The following DCC variants were observed in gnomAD, a reference collection of about 807,000 sequenced individuals.
The protein encoded by DCC is DCC netrin 1 receptor.
DCC carries 58 observed loss-of-function variants against 172.5 expected under a neutral mutation model. That is an observed-to-expected ratio of 0.34 (90% confidence interval 0.27 to 0.42). The LOEUF (loss-of-function observed/expected upper bound fraction) is 0.42, where lower values mean the gene tolerates loss of function less well. Ranked by LOEUF, DCC falls within the 10% of genes least tolerant of loss-of-function variation. The pLI, the probability that DCC is intolerant of heterozygous loss-of-function variation, is 1.00. For synonymous variants in DCC, 709 were observed against 644.5 expected (o/e 1.10, Z -1.52); for missense variants, 1,740 against 1,791.0 (o/e 0.97, Z 0.51).
intron 1 of DCC, among the ~76,000 whole-genome samples, chr18:52,643,666 C>T (rs1010291823): frequency 1.7e-4 from 26 of 152,178 alleles, no homozygotes; most frequent in Non-Finnish European, 8.8e-5. Context: ...CCATGGCCCA[C>T]ATTCCACACT....
At chr18:53,020,001 A>G (rs1050454772) in intron 5 of DCC, among the ~76,000 whole-genome samples, 2 of 152,184 alleles carry the variant, frequency 1.3e-5, no homozygotes, top group African/African-American at 2.4e-5. Flanking sequence ...CAGGTAAACT[A>G]AAAGTGATCA....
intron 5 of DCC, among the ~76,000 whole-genome samples, chr18:52,997,000 A>G (rs755098212): frequency 1.3e-5 from 2 of 152,122 alleles, no homozygotes; most frequent in Non-Finnish European, 2.9e-5. Flanking sequence ...ACTCCAGAAA[A>G]GGAGCTAATG....
At chr18:52,588,658 A>G (rs1428954399) in intron 1 of DCC, among the ~76,000 whole-genome samples, 1 of 152,206 alleles carries the variant, frequency 6.6e-6, no homozygotes, top group African/African-American at 2.4e-5. Context: ...GTTTAAGCTG[A>G]GACTTCAAGG....
intron 12 of DCC, among the ~76,000 whole-genome samples, chr18:53,271,803 C>T (rs1361361737): frequency 6.6e-6 from 1 of 152,098 alleles, no homozygotes; most frequent in Non-Finnish European, 1.5e-5. Flanking sequence ...GATCACTGGG[C>T]ACCATTTTTG....
At chr18:52,728,052 A>C (rs2036579540) in intron 1 of DCC, among the ~76,000 whole-genome samples, 1 of 152,166 alleles carries the variant, frequency 6.6e-6, no homozygotes, top group African/African-American at 2.4e-5. Flanking sequence ...ATTCTTGGTC[A>C]GTGATTGGAT....
At chr18:53,141,553 G>A (rs971299910) in intron 7 of DCC, among the ~76,000 whole-genome samples, 1 of 152,180 alleles carries the variant, frequency 6.6e-6, no homozygotes, top group Admixed American at 6.5e-5. Context: ...AGTGATCTGT[G>A]ATCATTTTAC....
intron 7 of DCC, among the ~76,000 whole-genome samples, chr18:53,103,067 A>G (rs960667109): frequency 6.6e-6 from 1 of 152,068 alleles, no homozygotes; most frequent in Non-Finnish European, 1.5e-5. Flanking sequence ...ACGTTCATAC[A>G]TTTACCCCAT....
chr18:53,508,920 T>C (rs1168060400), intron 27 of DCC, among the ~76,000 whole-genome samples: 1 of 152,210 alleles, frequency 6.6e-6, no homozygotes, highest in Non-Finnish European at 1.5e-5. Context: ...ATGGTCACAC[T>C]GCAAATGATC....
At chr18:53,359,893 T>G (rs887894091) in intron 15 of DCC, among the ~76,000 whole-genome samples, 2 of 152,150 alleles carry the variant, frequency 1.3e-5, no homozygotes, top group Non-Finnish European at 2.9e-5. Context: ...CTTCGAGGCT[T>G]GTATCCCATC....
At chr18:52,615,658 G>A (rs1293723411) in intron 1 of DCC, among the ~76,000 whole-genome samples, 1 of 152,088 alleles carries the variant, frequency 6.6e-6, no homozygotes, top group Non-Finnish European at 1.5e-5. Flanking sequence ...TAGCAGGATG[G>A]GGAATAGGGC....
At chr18:52,551,189 C>T (rs774852368) in intron 1 of DCC, among the ~76,000 whole-genome samples, 2 of 151,956 alleles carry the variant, frequency 1.3e-5, no homozygotes, top group African/African-American at 2.4e-5. Flanking sequence ...GAGATCATGG[C>T]AGAGCGGACA....
chr18:53,110,496 A>C (rs1394566354), intron 7 of DCC, among the ~76,000 whole-genome samples: 4 of 151,786 alleles, frequency 2.6e-5, no homozygotes, highest in East Asian at 3.9e-4. Context: ...TAAGAGTAAG[A>C]TCTAAATCCA....
At chr18:53,105,774 G>A (rs1002520694) in intron 7 of DCC, among the ~76,000 whole-genome samples, 8 of 151,718 alleles carry the variant, frequency 5.3e-5, no homozygotes, top group East Asian at 3.9e-4. Context: ...TTTTTGCAGC[G>A]AATAGGTTAT....
At chr18:53,102,995 G>T (rs951209866) in intron 7 of DCC, among the ~76,000 whole-genome samples, 17 of 152,094 alleles carry the variant, frequency 1.1e-4, no homozygotes, top group African/African-American at 3.9e-4. Context: ...AACATGAAAT[G>T]CTTAGGGTTA....
intron 2 of DCC, among the ~76,000 whole-genome samples, chr18:52,903,690 T>C (rs1207448922): frequency 1.3e-5 from 2 of 152,172 alleles, no homozygotes; most frequent in African/African-American, 4.8e-5. Context: ...CAAAATAAAA[T>C]ACTAGGGATG....
chr18:53,215,048 A>G (rs1031890151), intron 11 of DCC, among the ~76,000 whole-genome samples: 1 of 152,234 alleles, frequency 6.6e-6, no homozygotes, highest in Non-Finnish European at 1.5e-5. Flanking sequence ...CAGCTAAAAG[A>G]ACTGAGAAGT....
At chr18:52,476,804 A>G (rs770150584) in intron 1 of DCC, among the ~76,000 whole-genome samples, 2 of 152,214 alleles carry the variant, frequency 1.3e-5, no homozygotes, top group Non-Finnish European at 2.9e-5. Context: ...AAGATGAGGC[A>G]CATATTACCT....
intron 7 of DCC, among the ~76,000 whole-genome samples, chr18:53,075,407 A>G (rs185538190): frequency 1.9e-4 from 29 of 152,350 alleles, no homozygotes; most frequent in African/African-American, 6.7e-4. Flanking sequence ...CTTTGAAATT[A>G]GAAATGAATT....
chr18:53,311,475 AAGGTCCTCCACT>A (rs773335594), intron 13 of DCC, among the ~76,000 whole-genome samples: 9 of 152,166 alleles, frequency 5.9e-5, no homozygotes, highest in Non-Finnish European at 1.0e-4. Context: ...TGGTATGGCT[AAGGTCCTCCACT>A]AGTTAAGGAG....
Sources: allele counts gnomAD v4.1 joint callset (sites outside exome capture counted in the v4.1 genomes callset), GRCh38; gene constraint gnomAD v4.1.1; transcripts MANE v1.5; gene names NCBI Gene and HGNC (gene_info 2026-07-23, HGNC 2026-07-21).